The following CPNE4 variants were observed in gnomAD, a reference collection of about 807,000 sequenced individuals.
The protein encoded by CPNE4 is copine-4.
Under a neutral mutation model 67.9 loss-of-function variants are expected in CPNE4, and 25 were observed. The ratio of observed to expected loss-of-function variants is 0.37; its 90% CI spans 0.27 to 0.51. The LOEUF is 0.51. Among genes scored for constraint, CPNE4 ranks in the 20% least tolerant of loss-of-function variants. CPNE4 has a pLI of 0.93. For synonymous variants in CPNE4, 242 were observed against 244.9 expected (o/e 0.99, Z 0.11); for missense variants, 464 against 690.8 (o/e 0.67, Z 3.68).
At chr3:131,696,487 A>G (rs1268421393) in intron 5 of CPNE4, 55 bp downstream of exon 5, 40 of 1,509,306 alleles carry the variant, frequency 2.7e-5, no homozygotes, top group Middle Eastern at 3.4e-4. Flanking sequence ...AATCTGATTA[A>G]ACTGTGTGCT....
intron 2 of CPNE4, among the ~76,000 whole-genome samples, chr3:131,750,012 A>C (rs6781498): frequency 0.28 from 43,255 of 152,002 alleles, 6,255 homozygotes; most frequent in Middle Eastern, 0.35. Context: ...GCTGAGACAG[A>C]GCAACTATAC....
At chr3:132,021,647 G>A (rs991221720) in intron 1 of CPNE4, among the ~76,000 whole-genome samples, 5 of 152,160 alleles carry the variant, frequency 3.3e-5, no homozygotes, top group Admixed American at 1.3e-4. Flanking sequence ...ATTGACACAT[G>A]TGCTACAGAT....
At chr3:131,749,494 A>G (rs529879344) in intron 2 of CPNE4, among the ~76,000 whole-genome samples, 1 of 152,166 alleles carries the variant, frequency 6.6e-6, no homozygotes, top group South Asian at 2.1e-4. Context: ...TTTGAGTTCT[A>G]TATTCTTGCT....
chr3:131,812,540 C>T (rs910557415), intron 2 of CPNE4, among the ~76,000 whole-genome samples: 1 of 152,204 alleles, frequency 6.6e-6, no homozygotes, highest in African/African-American at 2.4e-5. Context: ...CTGAGCTTTT[C>T]AGAGCTCTGC....
intron 7 of CPNE4, among the ~76,000 whole-genome samples, chr3:131,590,538 G>A (rs992048133): frequency 2.0e-5 from 3 of 152,086 alleles, no homozygotes; most frequent in African/African-American, 4.8e-5. Context: ...AAGTACTATC[G>A]TAGGAATAGG....
chr3:131,761,210 C>CTT (rs151161125), intron 2 of CPNE4, among the ~76,000 whole-genome samples: 19,510 of 119,090 alleles, frequency 0.16, 1,795 homozygotes, highest in East Asian at 0.27. Context: ...TCACTTCGTA[C>CTT]TTTTTTTTTT....
At chr3:132,006,265 C>T (rs1364484869) in intron 1 of CPNE4, among the ~76,000 whole-genome samples, 1 of 152,090 alleles carries the variant, frequency 6.6e-6, no homozygotes, top group Non-Finnish European at 1.5e-5. Context: ...CCTGGACACA[C>T]CACCATGGGC....
intron 5 of CPNE4, among the ~76,000 whole-genome samples, chr3:131,694,484 G>GCCACTGCCCT (rs2081105646): frequency 6.6e-6 from 1 of 152,192 alleles, no homozygotes; most frequent in South Asian, 2.1e-4. Flanking sequence ...GTATGATTTT[G>GCCACTGCCCT]CCACTGCCCT....
Position 131,639,966 on chromosome 3 carries a change from T to C in CPNE4, c.681+29709A>G, listed in dbSNP as rs183672515. On this transcript the variant is annotated intron_variant, in intron 7 of 15. Coordinates refer to ENST00000429747, the MANE Select transcript of CPNE4 (RefSeq NM_130808.3). Reference sequence around the variant, plus strand: ...TTTGACAAAATCCAGTATCCCTTTATGATTAAAACCCTTGGCAAAAGCAGC... The same window carrying C: ...TTTGACAAAATCCAGTATCCCTTTACGATTAAAACCCTTGGCAAAAGCAGC... Among the ~76,000 whole-genome samples the C allele has an allele frequency of 2.9e-4, 44 of 152,300 alleles. No individual in the cohort carries two copies. The East Asian group carries it at 6.9e-3, about 24-fold the overall frequency.
intron 1 of CPNE4, among the ~76,000 whole-genome samples, chr3:131,978,476 T>TATTTA (rs1560724271): frequency 2.6e-5 from 1 of 38,342 alleles, no homozygotes; most frequent in African/African-American, 1.7e-4. Context: ...ATTTATATAT[T>TATTTA]TATATATATT....
chr3:131,746,900 G>T (rs532909282), intron 2 of CPNE4, among the ~76,000 whole-genome samples: 1 of 151,926 alleles, frequency 6.6e-6, no homozygotes, highest in Non-Finnish European at 1.5e-5. Context: ...AGTGTATAAG[G>T]GTTTCCTTTC....
intron 2 of CPNE4, among the ~76,000 whole-genome samples, chr3:131,877,883 G>A (rs763721147): frequency 1.3e-5 from 2 of 152,110 alleles, no homozygotes; most frequent in South Asian, 2.1e-4. Flanking sequence ...ATATAAAACT[G>A]TCCATCTTCT....
intron 2 of CPNE4, among the ~76,000 whole-genome samples, chr3:131,781,114 C>T (rs1047659616): frequency 4.6e-5 from 7 of 151,988 alleles, no homozygotes; most frequent in Admixed American, 1.3e-4. Context: ...TCCCGCAAAT[C>T]AATTCATTTC....
intron 7 of CPNE4, among the ~76,000 whole-genome samples, chr3:131,649,883 A>G (rs952513067): frequency 4.6e-5 from 7 of 152,206 alleles, no homozygotes; most frequent in African/African-American, 1.7e-4. Context: ...GTTCAATTAC[A>G]CCGTGGCTGC....
chr3:131,858,469 T>G (rs938190332), intron 2 of CPNE4, among the ~76,000 whole-genome samples: 2 of 152,178 alleles, frequency 1.3e-5, no homozygotes, highest in Non-Finnish European at 2.9e-5. Context: ...AATGAGATAG[T>G]GTTTGATATT....
At chr3:131,886,593 C>T (rs1425722808) in intron 2 of CPNE4, among the ~76,000 whole-genome samples, 1 of 152,204 alleles carries the variant, frequency 6.6e-6, no homozygotes. Context: ...AAGCCACAGA[C>T]ACTCAGTGCC....
chr3:131,810,963 T>A (rs574052531), intron 2 of CPNE4, among the ~76,000 whole-genome samples: 1 of 152,172 alleles, frequency 6.6e-6, no homozygotes, highest in East Asian at 1.9e-4. Context: ...CTCACTTATA[T>A]ATGGAACCTA....
intron 6 of CPNE4, among the ~76,000 whole-genome samples, chr3:131,676,029 CTATTATTATTATTATTATTAT>C (rs34007329): frequency 2.2e-4 from 31 of 138,504 alleles, no homozygotes; most frequent in African/African-American, 7.1e-4. Context: ...ATGTTATAAC[CTATTATTATTATTATTATTAT>C]TATTATTATT....
intron 11 of CPNE4, among the ~76,000 whole-genome samples, chr3:131,560,800 AG>A (rs1936722208): frequency 6.6e-6 from 1 of 152,068 alleles, no homozygotes; most frequent in African/African-American, 2.4e-5. Flanking sequence ...AGCAGGATAA[AG>A]AATTCTAATT....
Sources: gnomAD v4.1 joint callset for allele counts (sites outside exome capture counted in the v4.1 genomes callset) on GRCh38, gnomAD v4.1.1 for gene constraint, MANE v1.5 for transcripts, NCBI Gene and HGNC (gene_info 2026-07-23, HGNC 2026-07-21) for gene names.